MAMLD1: variants seen among roughly 807,000 people sequenced by gnomAD.
The protein encoded by MAMLD1 is mastermind-like domain-containing protein 1.
A neutral mutation model predicts 45.0 loss-of-function variants in MAMLD1; 14 were observed. The ratio of observed to expected loss-of-function variants is 0.31; its 90% CI spans 0.21 to 0.49. The LOEUF (loss-of-function observed/expected upper bound fraction) is 0.49. Among genes scored for constraint, MAMLD1 ranks in the 20% least tolerant of loss-of-function variants. The pLI is 0.99. For synonymous variants in MAMLD1, 254 were observed against 247.8 expected (o/e 1.02, Z -0.24); for missense variants, 543 against 603.6 (o/e 0.90, Z 1.05).
In MAMLD1 at chrX:150,513,859, C is replaced by G; in HGVS notation, c.*1900C>G. 3.4e-6 allele frequency: 1 copy of G among 297,820 alleles called. No individual in the cohort carries two copies. The allele number at this position is 297,820 out of a possible 1,213,427, so 24.5% of individuals were successfully genotyped here. A position where few individuals can be genotyped will look rare whatever the true frequency, so the allele number is the denominator to read the frequency against. On this transcript the variant is annotated 3_prime_UTR_variant, in exon 8 of 8. Transcript: ENST00000370401. ...TGCACCCTCGTGGGGTTAAGGCGAG[C>G]TGTTCCTGGTTTAAAGCCTTTCAGT...
At chrX:150,365,734 G>A (rs781992189) in intron 1 of MAMLD1, among the ~76,000 whole-genome samples, 29 of 112,466 alleles carry the variant, frequency 2.6e-4, no homozygotes, top group Admixed American at 2.2e-3. Context: ...CCCTTTGTTT[G>A]GAGGCGCGGA....
At chrX:150,484,416 C>G (rs186152753) in intron 5 of MAMLD1, among the ~76,000 whole-genome samples, 1 of 112,559 alleles carries the variant, frequency 8.9e-6, no homozygotes, top group African/African-American at 3.2e-5. Context: ...GAAAGGTCTC[C>G]TGACTCCCTT....
intron 2 of MAMLD1, among the ~76,000 whole-genome samples, chrX:150,448,365 G>A (rs1016088520): frequency 1.1e-4 from 12 of 112,098 alleles, no homozygotes; most frequent in Non-Finnish European, 1.9e-4. Context: ...AGGAAACCGA[G>A]ACTCAGAGAG....
chrX:150,371,867 A>C (rs1444040996), intron 1 of MAMLD1, among the ~76,000 whole-genome samples: 2 of 111,517 alleles, frequency 1.8e-5, no homozygotes, highest in Non-Finnish European at 3.8e-5. Context: ...AGATGTTGAA[A>C]GATGGAGAAT....
chrX:150,486,271 C>G (rs958057341), intron 5 of MAMLD1, among the ~76,000 whole-genome samples: 1 of 111,863 alleles, frequency 8.9e-6, no homozygotes, highest in East Asian at 2.8e-4. Context: ...TCCTCCTGCC[C>G]CATTCAGAGA....
intron 2 of MAMLD1, among the ~76,000 whole-genome samples, chrX:150,454,884 C>A (rs1294355241): frequency 9.0e-6 from 1 of 111,093 alleles, no homozygotes; most frequent in African/African-American, 3.3e-5. Flanking sequence ...ATTACCACCA[C>A]CACCATCATC....
At chrX:150,454,243 G>A (rs2035767110) in intron 2 of MAMLD1, among the ~76,000 whole-genome samples, 1 of 112,156 alleles carries the variant, frequency 8.9e-6, no homozygotes, top group Non-Finnish European at 1.9e-5. Flanking sequence ...CTCAAGTCAA[G>A]CCCTTAGAGT....
At position 150,397,826 on chromosome X, in the gene MAMLD1, G is replaced by C. The variant is rs1249608262; in HGVS notation, c.-64+34296G>C. Among the ~76,000 whole-genome samples the C allele has an allele frequency of 2.7e-5, 3 of 111,493 alleles. No homozygotes were observed. The Admixed American group carries it at 2.9e-4, about 11-fold the overall frequency. ...TGGAAGCTATGGTCATGAAATCTAT[G>C]TGTTAGATGGAACCATCAAGTCATC... On this transcript the variant is annotated intron_variant, in intron 1 of 7. Transcript: ENST00000370401.
chrX:150,428,811 A>G (rs2034808900), intron 1 of MAMLD1, among the ~76,000 whole-genome samples: 2 of 111,145 alleles, frequency 1.8e-5, no homozygotes, highest in Admixed American at 9.6e-5. Flanking sequence ...CCTGATGAAG[A>G]TTGTGGTGGT....
In MAMLD1 at chrX:150,410,936, G is replaced by A. The variant is rs149763435; in HGVS notation, c.-63-34518G>A. ...TGGAGCCCAGGATGGCTTTGGATGC[G>A]GCCCAACACAAATTTGTAAACTTTG... is the stretch of plus-strand genomic sequence containing the variant. On this transcript the variant is annotated intron_variant, in intron 1 of 7. Transcript: ENST00000370401. Among the ~76,000 whole-genome samples, 555 of 110,092 alleles carry A rather than the reference G, an allele frequency of 5.0e-3. 2 individuals are homozygous for A. Among genetic ancestry groups the A allele is most frequent in the Middle Eastern group, 9.3e-3 (2 of 216 alleles).
At chrX:150,374,802 G>T (rs1386574604) in intron 1 of MAMLD1, among the ~76,000 whole-genome samples, 1 of 111,712 alleles carries the variant, frequency 9.0e-6, no homozygotes, top group East Asian at 2.8e-4. Flanking sequence ...TGAGAAAATG[G>T]GATCTGAGGA....
chrX:150,398,257 GA>G, intron 1 of MAMLD1, among the ~76,000 whole-genome samples: 1 of 24,079 alleles, frequency 4.2e-5, no homozygotes, highest in South Asian at 3.7e-3. Flanking sequence ...AGAAGGAGAA[GA>G]AGAAGAAGAA....
chrX:150,465,612 C>T (rs1369353382), intron 3 of MAMLD1, among the ~76,000 whole-genome samples: 1 of 112,367 alleles, frequency 8.9e-6, no homozygotes, highest in African/African-American at 3.2e-5. Flanking sequence ...CACTCCCTCC[C>T]CCTTCCTCAC....
chrX:150,455,365 T>C (rs2035820116), intron 2 of MAMLD1, among the ~76,000 whole-genome samples: 1 of 112,024 alleles, frequency 8.9e-6, no homozygotes, highest in Admixed American at 9.4e-5. Context: ...CACACAGCTG[T>C]TCAGGAGCGC....
chrX:150,435,347 C>G (rs1470891465), intron 1 of MAMLD1, among the ~76,000 whole-genome samples: 1 of 110,496 alleles, frequency 9.1e-6, no homozygotes, highest in African/African-American at 3.3e-5. Context: ...AACCCCATCT[C>G]TACTAAAAAT....
Position 150,512,617 on chromosome X carries a change from C to A in MAMLD1, c.*658C>A. On this transcript the variant is annotated 3_prime_UTR_variant, in exon 8 of 8. Transcript: ENST00000370401. ...ACCCCAGCTTCAGCCTGCTGGGCAG[C>A]CAGAGCCTCAGGCAGAGCCCGGTAC... 8.7e-7 allele frequency: 1 copy of A among 1,150,990 alleles called. No homozygotes were observed. The allele number at this position is 1,150,990 out of a possible 1,213,427, so 94.9% of individuals were successfully genotyped here. A position where few individuals can be genotyped will look rare whatever the true frequency, so the allele number is the denominator to read the frequency against.
chrX:150,399,294 T>C (rs912977790), intron 1 of MAMLD1, among the ~76,000 whole-genome samples: 1 of 111,697 alleles, frequency 9.0e-6, no homozygotes, highest in Admixed American at 9.5e-5. Flanking sequence ...CAAAGACAGA[T>C]TTGAATGATG....
At chrX:150,457,929 T>A (rs2035921602) in intron 2 of MAMLD1, among the ~76,000 whole-genome samples, 1 of 111,768 alleles carries the variant, frequency 8.9e-6, no homozygotes, top group African/African-American at 3.3e-5. Flanking sequence ...AAAAGTTAAT[T>A]TCATGCTATG....
intron 3 of MAMLD1, among the ~76,000 whole-genome samples, chrX:150,466,811 T>C (rs1557405953): frequency 8.9e-6 from 1 of 111,893 alleles, no homozygotes; most frequent in Non-Finnish European, 1.9e-5. Flanking sequence ...GTACCTTTAG[T>C]GTCTGGTGGT....
Sources: gnomAD v4.1 joint callset for allele counts (sites outside exome capture counted in the v4.1 genomes callset) on GRCh38, gnomAD v4.1.1 for gene constraint, MANE v1.5 for transcripts, NCBI Gene and HGNC (gene_info 2026-07-23, HGNC 2026-07-21) for gene names.